The following TET3 variants were observed in gnomAD, a reference collection of about 807,000 sequenced individuals.
TET3 encodes methylcytosine dioxygenase TET3.
TET3 carries 19 observed loss-of-function variants against 141.4 expected under a neutral mutation model. The observed-to-expected ratio is 0.13, with a 90% confidence interval of 0.09 to 0.20. The LOEUF (loss-of-function observed/expected upper bound fraction) is 0.20. Among genes scored for constraint, TET3 ranks in the 10% least tolerant of loss-of-function variants. The pLI is 1.00. For missense variants in TET3, 1,874 were observed against 2,356.9 expected (o/e 0.80, Z 4.24); for synonymous variants, 1,043 against 980.9 (o/e 1.06, Z -1.18).
intron 3 of TET3, among the ~76,000 whole-genome samples, chr2:74,011,223 G>A (rs1347591332): frequency 7.5e-5 from 5 of 66,416 alleles, no homozygotes; most frequent in Non-Finnish European, 1.3e-4. Context: ...GAGAGACTCC[G>A]TTTCAAAAAA....
chr2:74,047,988 G>A lies in TET3; in HGVS notation c.2071G>A (p.Ala691Thr), dbSNP rs1012217292. The A allele has an allele frequency of 1.2e-6, 2 of 1,609,644 alleles. No individual in the cohort carries two copies. The highest frequency in any genetic ancestry group is 2.7e-5 in the African/African-American group (2 of 74,784). Residue 691 changes from alanine to threonine, a missense_variant, in exon 4 of 12, where the codon GCC becomes ACC. Transcript: ENST00000409262. Reference protein sequence around the residue: ...QEMRSPSPMTALQPGSTGPLP... With the variant: ...QEMRSPSPMTTLQPGSTGPLP... ...AATGAGGTCCCCCAGCCCCATGACAGCCTTGCAGCCAGGCTCCACTGGCCC... is the reference window on the plus strand; with the variant it reads ...AATGAGGTCCCCCAGCCCCATGACAACCTTGCAGCCAGGCTCCACTGGCCC...
chr2:74,083,863 G>A (rs1257255106), intron 6 of TET3, among the ~76,000 whole-genome samples: 1 of 152,186 alleles, frequency 6.6e-6, no homozygotes, highest in African/African-American at 2.4e-5. Flanking sequence ...TCACACATGA[G>A]TGTGATTGGC....
At chr2:74,126,072 C>G in the TET3 span, among the ~76,000 whole-genome samples, 1 of 152,122 alleles carries the variant, frequency 6.6e-6, no homozygotes, top group East Asian at 1.9e-4. Flanking sequence ...AGTACTTGCA[C>G]TAAAATTTTG....
chr2:74,084,090 A>G (rs1436620573), intron 6 of TET3, among the ~76,000 whole-genome samples: 1 of 152,210 alleles, frequency 6.6e-6, no homozygotes, highest in African/African-American at 2.4e-5. Context: ...TACACATATC[A>G]AAAGAATAAT....
At chr2:74,040,010 G>T (rs1687260256) in intron 3 of TET3, among the ~76,000 whole-genome samples, 1 of 152,232 alleles carries the variant, frequency 6.6e-6, no homozygotes, top group Non-Finnish European at 1.5e-5. Context: ...AAATGTCCAA[G>T]TCACACAGTA....
At chr2:74,074,355 C>G (rs1689376027) in intron 5 of TET3, among the ~76,000 whole-genome samples, 1 of 152,180 alleles carries the variant, frequency 6.6e-6, no homozygotes. Flanking sequence ...GTAGAAAGAG[C>G]TATGTTGAAT....
chr2:74,091,220 G>A (rs1302778903), intron 8 of TET3, among the ~76,000 whole-genome samples: 1 of 152,146 alleles, frequency 6.6e-6, no homozygotes, highest in African/African-American at 2.4e-5. Flanking sequence ...AGCAGATGTG[G>A]TTGCTTCAAT....
chr2:74,052,455 C>T (rs1400816776), intron 4 of TET3, among the ~76,000 whole-genome samples: 2 of 151,208 alleles, frequency 1.3e-5, no homozygotes, highest in African/African-American at 2.4e-5. Flanking sequence ...GAAGAATTTT[C>T]CATAGAAGTG....
chr2:74,033,287 G>A (rs1686854287), intron 3 of TET3, among the ~76,000 whole-genome samples: 1 of 152,212 alleles, frequency 6.6e-6, no homozygotes, highest in African/African-American at 2.4e-5. Flanking sequence ...ATTTCTGTAT[G>A]ATTCCCCTTG....
the TET3 span, among the ~76,000 whole-genome samples, chr2:74,124,490 G>C: frequency 6.6e-6 from 1 of 152,234 alleles, no homozygotes; most frequent in African/African-American, 2.4e-5. Flanking sequence ...TTGTTGAATA[G>C]AAAAGGGGGA....
intron 4 of TET3, among the ~76,000 whole-genome samples, chr2:74,062,881 CTTTTTTT>C (rs10649388): frequency 8.2e-6 from 1 of 121,438 alleles, no homozygotes; most frequent in Non-Finnish European, 1.7e-5. Context: ...TCAGGTGAAA[CTTTTTTT>C]TTTTTTTTTT....
intron 3 of TET3, among the ~76,000 whole-genome samples, chr2:74,040,098 T>C (rs1482818357): frequency 1.3e-5 from 2 of 152,204 alleles, no homozygotes; most frequent in African/African-American, 2.4e-5. Context: ...AAGCACTCGA[T>C]GCATATGAAT....
chr2:74,028,117 A>G (rs1190469776), intron 3 of TET3, among the ~76,000 whole-genome samples: 1 of 151,724 alleles, frequency 6.6e-6, no homozygotes, highest in Non-Finnish European at 1.5e-5. Context: ...CCAAGTAGCT[A>G]GGACTACAGA....
intron 3 of TET3, among the ~76,000 whole-genome samples, chr2:74,024,990 G>A (rs971348777): frequency 6.6e-6 from 1 of 151,884 alleles, no homozygotes; most frequent in African/African-American, 2.4e-5. Flanking sequence ...TTGGGAGGCC[G>A]AGGCGGGTGG....
intron 3 of TET3, among the ~76,000 whole-genome samples, chr2:74,031,119 G>T (rs1282132121): frequency 6.6e-6 from 1 of 152,268 alleles, no homozygotes; most frequent in East Asian, 1.9e-4. Flanking sequence ...GGGGCTGTTG[G>T]TGCAGGCTGA....
intron 2 of TET3, among the ~76,000 whole-genome samples, chr2:73,987,203 G>A (rs939222550): frequency 3.3e-5 from 5 of 152,168 alleles, no homozygotes; most frequent in Non-Finnish European, 5.9e-5. Flanking sequence ...AACTGTTGGG[G>A]AATCTAGTGA....
intron 2 of TET3, among the ~76,000 whole-genome samples, chr2:74,000,970 A>G (rs1684821930): frequency 6.6e-6 from 1 of 152,056 alleles, no homozygotes; most frequent in African/African-American, 2.4e-5. Flanking sequence ...AGCAGACTGT[A>G]TGGGGGGTAG....
intron 6 of TET3, among the ~76,000 whole-genome samples, chr2:74,082,860 C>G (rs1573879318): frequency 1.3e-5 from 2 of 152,226 alleles, no homozygotes; most frequent in East Asian, 3.9e-4. Context: ...TTCTTGGTGG[C>G]AGTGTAGCGT....
chr2:74,002,216 A>G (rs953586313), intron 2 of TET3, among the ~76,000 whole-genome samples: 1 of 152,132 alleles, frequency 6.6e-6, no homozygotes, highest in African/African-American at 2.4e-5. Context: ...CATTTGCAGA[A>G]TGGAGTAAAG....
Sources: allele counts gnomAD v4.1 joint callset (sites outside exome capture counted in the v4.1 genomes callset), GRCh38; gene constraint gnomAD v4.1.1; transcripts MANE v1.5; gene names NCBI Gene and HGNC (gene_info 2026-07-23, HGNC 2026-07-21).